The following PTPRG variants were observed in gnomAD, a reference collection of about 807,000 sequenced individuals.
The protein encoded by PTPRG is receptor-type tyrosine-protein phosphatase gamma.
In PTPRG, 102 loss-of-function variants were observed where a neutral mutation model predicts 165.3. The ratio of observed to expected loss-of-function variants is 0.62; its 90% confidence interval spans 0.53 to 0.73. The LOEUF (loss-of-function observed/expected upper bound fraction) is 0.73, where lower values mean the gene tolerates loss of function less well. PTPRG is among the 30% of genes least tolerant of loss of function. The pLI, the probability that PTPRG is intolerant of heterozygous loss-of-function variation, is 0.00. For missense variants in PTPRG, 1,866 were observed against 1,861.4 expected (o/e 1.00, Z -0.05); for synonymous variants, 675 against 669.5 (o/e 1.01, Z -0.13).
chr3:61,904,459 C>T (rs563067805), intron 2 of PTPRG, among the ~76,000 whole-genome samples: 1 of 152,288 alleles, frequency 6.6e-6, no homozygotes, highest in Admixed American at 6.5e-5. Context: ...CAGTGCAGAT[C>T]AAGCCTGCTT....
intron 2 of PTPRG, among the ~76,000 whole-genome samples, chr3:61,800,198 A>ATAT (rs1249024127): frequency 6.6e-6 from 1 of 152,144 alleles, no homozygotes; most frequent in Non-Finnish European, 1.5e-5. Flanking sequence ...GGTGACAGAT[A>ATAT]TATTACTGGT....
chr3:61,666,611 C>T (rs1040074844), intron 1 of PTPRG, among the ~76,000 whole-genome samples: 3 of 152,192 alleles, frequency 2.0e-5, no homozygotes, highest in African/African-American at 7.2e-5. Context: ...GGTGGTTTTA[C>T]TGTCGCTGGT....
At chr3:61,803,024 G>A (rs1194173708) in intron 2 of PTPRG, among the ~76,000 whole-genome samples, 1 of 152,148 alleles carries the variant, frequency 6.6e-6, no homozygotes, top group Non-Finnish European at 1.5e-5. Context: ...GCTGTCTGAT[G>A]AACTAATATT....
chr3:61,603,820 C>A (rs767079691), intron 1 of PTPRG, among the ~76,000 whole-genome samples: 2 of 152,176 alleles, frequency 1.3e-5, no homozygotes, highest in Non-Finnish European at 2.9e-5. Flanking sequence ...CTACCTGTGT[C>A]TGTGTTTTCA....
chr3:61,953,115 C>T lies in PTPRG; in HGVS notation c.191-36510C>T, dbSNP rs116038757. ...GGTCAAGCCCACAATTTTCCCTACA[C>T]CTACTGCTGTCTCTACTCAGAAACG... is the stretch of plus-strand genomic sequence containing the variant. On this transcript the variant is annotated intron_variant, in intron 2 of 29. Transcript: ENST00000474889. 1.6e-3 allele frequency among the ~76,000 whole-genome samples: 238 copies of T among 152,294 alleles called. 2 individuals are homozygous for T. The highest frequency in any genetic ancestry group is 5.1e-3 in the African/African-American group (211 of 41,566).
intron 1 of PTPRG, among the ~76,000 whole-genome samples, chr3:61,713,948 A>T (rs1225923621): frequency 1.3e-5 from 2 of 152,238 alleles, no homozygotes; most frequent in Admixed American, 6.5e-5. Context: ...GTTACAAATG[A>T]ACGATAATGC....
chr3:62,017,920 A>C (rs2041592202), intron 4 of PTPRG, among the ~76,000 whole-genome samples: 1 of 152,190 alleles, frequency 6.6e-6, no homozygotes, highest in Non-Finnish European at 1.5e-5. Context: ...TGAGATTATC[A>C]GTTTCATTCA....
intron 2 of PTPRG, among the ~76,000 whole-genome samples, chr3:61,814,064 C>A (rs553240169): frequency 6.6e-6 from 1 of 152,012 alleles, no homozygotes; most frequent in Admixed American, 6.6e-5. Flanking sequence ...CAAGGCCTGA[C>A]TAATTTTTGT....
At chr3:62,231,159 A>T in intron 13 of PTPRG, 66 bp from the exon 14 acceptor site, 1 of 1,260,782 alleles carries the variant, frequency 7.9e-7, no homozygotes, top group Non-Finnish European at 1.1e-6. Flanking sequence ...TTTGTATGCA[A>T]CTCTTGGTGG....
At chr3:61,950,750 G>A (rs991498648) in intron 2 of PTPRG, among the ~76,000 whole-genome samples, 2 of 152,174 alleles carry the variant, frequency 1.3e-5, no homozygotes, top group African/African-American at 4.8e-5. Flanking sequence ...CCATGTTTAT[G>A]CCTGCCACAG....
chr3:61,983,763 G>C (rs2040693757), intron 2 of PTPRG, among the ~76,000 whole-genome samples: 1 of 152,114 alleles, frequency 6.6e-6, no homozygotes, highest in South Asian at 2.1e-4. Context: ...GAACTATACT[G>C]AAGTGAGACA....
At chr3:62,122,339 A>T (rs1185122822) in intron 5 of PTPRG, among the ~76,000 whole-genome samples, 1 of 152,194 alleles carries the variant, frequency 6.6e-6, no homozygotes, top group African/African-American at 2.4e-5. Flanking sequence ...AACCCCTTCC[A>T]TGAGCCCATG....
intron 2 of PTPRG, among the ~76,000 whole-genome samples, chr3:61,836,545 C>G (rs2036467846): frequency 6.6e-6 from 1 of 152,148 alleles, no homozygotes; most frequent in Admixed American, 6.5e-5. Flanking sequence ...CTTCCGGGTA[C>G]TTTGCATAAT....
chr3:62,252,901 A>T lies in PTPRG; in HGVS notation c.2468-2223A>T, dbSNP rs1701454095. 6.6e-6 allele frequency among the ~76,000 whole-genome samples: 1 copy of T among 152,178 alleles called. No homozygotes were observed. The highest frequency in any genetic ancestry group is 1.5e-5 in the Non-Finnish European group (1 of 68,032). ...TTGTGACATTATTGGTGGTGCCTGGAAACCCAGAGGGTGTGGTTAGGCGTC... is the reference window on the plus strand; with the variant it reads ...TTGTGACATTATTGGTGGTGCCTGGTAACCCAGAGGGTGTGGTTAGGCGTC... On this transcript the variant is annotated intron_variant, in intron 15 of 29. Coordinates refer to ENST00000474889, the MANE Select transcript of PTPRG (RefSeq NM_002841.4). This position sits in a 1 kb window ranked among gnomAD's most constrained non-coding sequence, Gnocchi z 4.6.
intron 2 of PTPRG, among the ~76,000 whole-genome samples, chr3:61,882,614 G>A (rs1575749589): frequency 1.3e-5 from 2 of 152,152 alleles, no homozygotes; most frequent in Admixed American, 6.5e-5. Context: ...CAAAAGTGAT[G>A]TCTTAGAATT....
intron 1 of PTPRG, among the ~76,000 whole-genome samples, chr3:61,563,037 G>A (rs1478978981): frequency 6.6e-6 from 1 of 152,040 alleles, no homozygotes; most frequent in African/African-American, 2.4e-5. Context: ...GGGCGCAGGC[G>A]GTTTCGGAGA....
At chr3:62,111,779 T>A (rs1468934919) in intron 5 of PTPRG, among the ~76,000 whole-genome samples, 2 of 152,122 alleles carry the variant, frequency 1.3e-5, no homozygotes, top group African/African-American at 4.8e-5. Context: ...GAAATATCAT[T>A]GTCACCCTGG....
intron 5 of PTPRG, chr3:62,118,286 G>C: frequency 6.6e-6 from 1 of 152,320 alleles, no homozygotes; most frequent in East Asian, 1.9e-4. Flanking sequence ...AGCCACCAAC[G>C]ATATGTAAAT....
chr3:61,730,340 A>G (rs955360053), intron 1 of PTPRG, among the ~76,000 whole-genome samples: 2 of 152,232 alleles, frequency 1.3e-5, no homozygotes, highest in Admixed American at 6.5e-5. Flanking sequence ...AACCCACACC[A>G]GGAAGAAATG....
Sources: gnomAD v4.1 joint callset for allele counts (sites outside exome capture counted in the v4.1 genomes callset) on GRCh38, gnomAD v4.1.1 for gene constraint, Gnocchi (gnomAD v3.1) non-coding constraint, MANE v1.5 for transcripts, NCBI Gene and HGNC (gene_info 2026-07-23, HGNC 2026-07-21) for gene names.